The following CFAP299 variants were observed in gnomAD, a reference collection of about 807,000 sequenced individuals.
CFAP299 encodes cilia and flagella associated protein 299.
Under a neutral mutation model 27.0 loss-of-function variants are expected in CFAP299, and 21 were observed. That is an observed-to-expected ratio of 0.78 (90% CI 0.55 to 1.12). The LOEUF is 1.12. Among genes scored for constraint, CFAP299 ranks in the 50% most tolerant of loss-of-function variants. CFAP299 has a pLI of 0.00. For missense variants in CFAP299, 310 were observed against 276.6 expected, an observed-to-expected ratio of 1.12 and a Z score of -0.86; for synonymous variants, 104 against 98.1, an observed-to-expected ratio of 1.06 and a Z score of -0.36.
intron 2 of CFAP299, chr4:80,387,531 G>A (rs554518224): frequency 2.3e-6 from 2 of 872,564 alleles, no homozygotes; most frequent in East Asian, 2.4e-5. Flanking sequence ...GTAGGGGCTG[G>A]CCCAACCCTG....
chr4:80,351,237 A>G (rs1450592984), intron 1 of CFAP299, among the ~76,000 whole-genome samples: 2 of 152,144 alleles, frequency 1.3e-5, no homozygotes, highest in Non-Finnish European at 2.9e-5. Context: ...GTGAATACAA[A>G]TTTTTTCTCA....
chr4:80,335,820 A>G lies in CFAP299; in HGVS notation c.52A>G (p.Asn18Asp), dbSNP rs1208488963. The G allele has an allele frequency of 6.2e-7, 1 of 1,613,952 alleles. No homozygotes were observed. The highest frequency in any genetic ancestry group is 1.1e-5 in the South Asian group (1 of 91,088). ...CTTGGACAATATTGTCACTCAATTC[A>G]ACGCCTATGAAGATTTCCTGGACTC... is the stretch of plus-strand genomic sequence containing the variant. ...KALDNIVTQF[N>D]AYEDFLDSQI... The change falls in exon 1 of 6, where the codon AAC becomes GAC. Residue 18 changes from asparagine to aspartate, a missense_variant. Transcript: ENST00000358105.
At position 80,503,803 on chromosome 4, in the gene CFAP299, A is replaced by G. The variant is rs141567220; in HGVS notation, c.243-79290A>G. ...TGCCACCAAGTAAATGAAATAATTT[A>G]TATTTGTAAGATTGAGTTAAAAGGG... On this transcript the variant is annotated intron_variant, in intron 2 of 5. Transcript: ENST00000358105. Among the ~76,000 whole-genome samples the G allele has an allele frequency of 2.4e-3, 366 of 152,274 alleles. 3 individuals carry two copies. The highest frequency in any genetic ancestry group is 8.0e-3 in the African/African-American group (334 of 41,570).
At chr4:80,595,179 A>G (rs1279110159) in intron 3 of CFAP299, among the ~76,000 whole-genome samples, 2 of 152,034 alleles carry the variant, frequency 1.3e-5, no homozygotes, top group Non-Finnish European at 2.9e-5. Context: ...CTTACCTTCC[A>G]TATCTCTGGA....
chr4:80,592,326 T>C lies in CFAP299; in HGVS notation c.333+9143T>C, dbSNP rs531343132. Among the ~76,000 whole-genome samples, 268 of 152,314 alleles carry C rather than the reference T, an allele frequency of 1.8e-3. 1 individual carries two copies. The highest frequency in any genetic ancestry group is 3.3e-3 in the Non-Finnish European group (222 of 68,000). On this transcript the variant is annotated intron_variant, in intron 3 of 5. Transcript: ENST00000358105. Reference sequence around the variant, plus strand: ...GTGCAATAAAGGACAAGTATATCCATGAGACTATTTGACCCTTGATGCAAA... The same window carrying C: ...GTGCAATAAAGGACAAGTATATCCACGAGACTATTTGACCCTTGATGCAAA...
intron 4 of CFAP299, among the ~76,000 whole-genome samples, chr4:80,938,193 T>G (rs1258035286): frequency 6.6e-6 from 1 of 152,176 alleles, no homozygotes; most frequent in Non-Finnish European, 1.5e-5. Context: ...GATTCTGTGT[T>G]GGGAACAGGC....
At chr4:80,579,789 C>T (rs1438587228) in intron 2 of CFAP299, among the ~76,000 whole-genome samples, 1 of 151,922 alleles carries the variant, frequency 6.6e-6, no homozygotes, top group Admixed American at 6.6e-5. Flanking sequence ...TTAATCAGTA[C>T]ACAAATATAT....
At chr4:80,400,774 C>A (rs1560549561) in intron 2 of CFAP299, among the ~76,000 whole-genome samples, 1 of 152,146 alleles carries the variant, frequency 6.6e-6, no homozygotes, top group African/African-American at 2.4e-5. Flanking sequence ...AACTGGGTAA[C>A]AGGCAGAGGT....
intron 3 of CFAP299, among the ~76,000 whole-genome samples, chr4:80,620,991 G>A (rs72659892): frequency 1.5e-4 from 23 of 152,018 alleles, no homozygotes; most frequent in Non-Finnish European, 2.2e-4. Context: ...TCCAAGTTCC[G>A]CACTTACCTA....
At chr4:80,578,788 T>A (rs1736013372) in intron 2 of CFAP299, among the ~76,000 whole-genome samples, 1 of 152,200 alleles carries the variant, frequency 6.6e-6, no homozygotes. Flanking sequence ...TGATATTCCA[T>A]CTTATATTTT....
chr4:80,866,065 A>ATATATATATATATATC (rs1732718757), intron 3 of CFAP299, among the ~76,000 whole-genome samples: 2 of 62,400 alleles, frequency 3.2e-5, no homozygotes, highest in African/African-American at 1.6e-4. Flanking sequence ...AGTATTATAT[A>ATATATATATATATATC]TATATATATA....
At chr4:80,392,521 C>T (rs2110038196) in intron 2 of CFAP299, among the ~76,000 whole-genome samples, 1 of 152,212 alleles carries the variant, frequency 6.6e-6, no homozygotes, top group African/African-American at 2.4e-5. Flanking sequence ...TGAGTGAGGT[C>T]TCACAAGATT....
At chr4:80,919,831 A>C (rs1735955295) in intron 4 of CFAP299, among the ~76,000 whole-genome samples, 1 of 152,106 alleles carries the variant, frequency 6.6e-6, no homozygotes, top group South Asian at 2.1e-4. Context: ...CAAGTCCCTC[A>C]TGTGTCAAAA....
At chr4:80,651,672 A>G (rs1476908503) in intron 3 of CFAP299, among the ~76,000 whole-genome samples, 1 of 144,922 alleles carries the variant, frequency 6.9e-6, no homozygotes, top group Non-Finnish European at 1.5e-5. Context: ...GGCGAATCTC[A>G]CTTTCTTTTT....
At chr4:80,675,768 GGCT>G (rs1216137513) in intron 3 of CFAP299, among the ~76,000 whole-genome samples, 1 of 152,206 alleles carries the variant, frequency 6.6e-6, no homozygotes, top group African/African-American at 2.4e-5. Flanking sequence ...CACACTGCCA[GGCT>G]GCTGCCTTGC....
intron 3 of CFAP299, among the ~76,000 whole-genome samples, chr4:80,798,828 C>G (rs1233479685): frequency 2.6e-5 from 4 of 151,916 alleles, no homozygotes; most frequent in Non-Finnish European, 5.9e-5. Flanking sequence ...ACCTGCCTCT[C>G]ACGAGCAGTG....
Position 80,433,496 on chromosome 4 carries a change from T to A in CFAP299, c.242+70612T>A, listed in dbSNP as rs114587149. ...TGCTTTTCTCAGTTTCTCAAAACTA[T>A]AATTGAATATTTTATTCTTCAAATA... On this transcript the variant is annotated intron_variant, in intron 2 of 5. Coordinates refer to ENST00000358105, the MANE Select transcript of CFAP299 (RefSeq NM_152770.3). Among the ~76,000 whole-genome samples the A allele has an allele frequency of 3.5e-3, 526 of 152,296 alleles. 2 individuals carry two copies. Among genetic ancestry groups the A allele is most frequent in the African/African-American group, 0.012 (491 of 41,572 alleles).
intron 1 of CFAP299, among the ~76,000 whole-genome samples, chr4:80,338,213 ATGT>A (rs1295138706): frequency 6.6e-6 from 1 of 152,202 alleles, no homozygotes; most frequent in Non-Finnish European, 1.5e-5. Context: ...ATACAACATG[ATGT>A]TTTAAATTAT....
chr4:80,594,032 T>G (rs925547953), intron 3 of CFAP299, among the ~76,000 whole-genome samples: 1 of 152,218 alleles, frequency 6.6e-6, no homozygotes, highest in South Asian at 2.1e-4. Context: ...GATTGTTCAG[T>G]CTATTAACTT....
Sources: gnomAD v4.1 joint callset for allele counts (sites outside exome capture counted in the v4.1 genomes callset) on GRCh38, gnomAD v4.1.1 for gene constraint, MANE v1.5 for transcripts, NCBI Gene and HGNC (gene_info 2026-07-23, HGNC 2026-07-21) for gene names.